Variants in PARD3B observed in about 807,000 individuals in gnomAD.
PARD3B encodes par-3 family cell polarity regulator beta, also known as partitioning defective 3 homolog B.
In PARD3B, 103 loss-of-function variants were observed where a neutral mutation model predicts 130.2. The observed-to-expected ratio is 0.79, with a 90% CI of 0.67 to 0.93. PARD3B has a LOEUF of 0.93. Among genes scored for constraint, PARD3B ranks in the 40% least tolerant of loss-of-function variants. The pLI is 0.00. For synonymous variants in PARD3B, 583 were observed against 553.2 expected (o/e 1.05, Z -0.76); for missense variants, 1,609 against 1,499.2 (o/e 1.07, Z -1.21).
intron 11 of PARD3B, among the ~76,000 whole-genome samples, chr2:205,170,668 G>A (rs956750006): frequency 2.0e-5 from 3 of 152,214 alleles, no homozygotes; most frequent in East Asian, 1.9e-4. Context: ...GGACTTCCTC[G>A]GGCCATCTGC....
intron 2 of PARD3B, among the ~76,000 whole-genome samples, chr2:204,758,989 C>T (rs372157481): frequency 6.6e-5 from 10 of 152,218 alleles, no homozygotes; most frequent in African/African-American, 2.2e-4. Flanking sequence ...AGACTTGTCA[C>T]CCTTCTGTGT....
chr2:204,881,356 A>T (rs1395832647), intron 2 of PARD3B, among the ~76,000 whole-genome samples: 6 of 152,202 alleles, frequency 3.9e-5, no homozygotes, highest in Admixed American at 3.9e-4. Context: ...CAAAGTCAAG[A>T]TCTACACGTT....
chr2:205,469,937 G>C (rs926829637), intron 20 of PARD3B, among the ~76,000 whole-genome samples: 1 of 152,204 alleles, frequency 6.6e-6, no homozygotes, highest in Non-Finnish European at 1.5e-5. Context: ...TCAGTACCTT[G>C]AATATAATTT....
chr2:204,816,581 C>T (rs2043154436), intron 2 of PARD3B, among the ~76,000 whole-genome samples: 2 of 151,892 alleles, frequency 1.3e-5, no homozygotes, highest in African/African-American at 2.4e-5. Context: ...TATTTTCTCA[C>T]TTGTGCTATT....
rs188051327 is a variant in PARD3B at position 204,629,161 on chromosome 2, G to C, written c.121-57020G>C. On this transcript the variant is annotated intron_variant, in intron 1 of 22. Coordinates refer to ENST00000406610, the MANE Select transcript of PARD3B (RefSeq NM_001302769.2). ...AAAAGAGATGATCAAATTTATAGCTGCTCAAGGAGAAGCAAGAAGAAAAGA... is the reference window on the plus strand; with the variant it reads ...AAAAGAGATGATCAAATTTATAGCTCCTCAAGGAGAAGCAAGAAGAAAAGA... Among the ~76,000 whole-genome samples the C allele has an allele frequency of 2.0e-5, 3 of 152,248 alleles. No individual in the cohort carries two copies. The East Asian group carries it at 5.8e-4, about 29-fold the overall frequency.
Position 205,440,029 on chromosome 2 carries a change from C to T in PARD3B, c.2742-341C>T, listed in dbSNP as rs533991103. ...GTCCCAAGAAAGGCTTCTATAATAT[C>T]GAACCAAAGATGCACTGTTCCCACA... On this transcript the variant is annotated intron_variant, in intron 19 of 22. Transcript: ENST00000406610. This position sits in a 1 kb window ranked among gnomAD's most constrained non-coding sequence, Gnocchi z 4.2. Among the ~76,000 whole-genome samples, 29 of 152,210 alleles carry T rather than the reference C, an allele frequency of 1.9e-4. No homozygotes were observed. The highest frequency in any genetic ancestry group is 6.3e-4 in the African/African-American group (26 of 41,544).
chr2:205,125,710 A>T lies in PARD3B; in HGVS notation c.1407A>T (p.Gln469His). Residue 469 changes from glutamine (Q) to histidine (H), a missense_variant, in exon 10 of 23, where the codon CAA becomes CAT. By Grantham distance (24) the Gln-to-His change is conservative. Coordinates refer to ENST00000406610, the MANE Select transcript of PARD3B (RefSeq NM_001302769.2). The surrounding 1 kb of genome is among the most constrained non-coding windows in gnomAD (Gnocchi z 4.0). ...GETASLVIAR[Q>H]EGHFLPRELK... Reference sequence around the variant, plus strand: ...CAGCATCGCTGGTCATTGCCCGCCAAGAAGGACATTTTCTGCCCCGAGAGT... The same window carrying T: ...CAGCATCGCTGGTCATTGCCCGCCATGAAGGACATTTTCTGCCCCGAGAGT... The T allele has an allele frequency of 1.9e-6, 3 of 1,614,220 alleles. No individual in the cohort carries two copies. The highest frequency in any genetic ancestry group is 2.5e-6 in the Non-Finnish European group (3 of 1,180,042).
intron 2 of PARD3B, among the ~76,000 whole-genome samples, chr2:204,929,615 A>C (rs953866269): frequency 6.6e-6 from 1 of 152,044 alleles, no homozygotes; most frequent in Non-Finnish European, 1.5e-5. Flanking sequence ...ATAAATGTAA[A>C]TTGAATAATT....
intron 21 of PARD3B, among the ~76,000 whole-genome samples, chr2:205,520,971 ATTAG>A (rs1049400993): frequency 4.0e-5 from 6 of 151,488 alleles, no homozygotes; most frequent in Non-Finnish European, 1.5e-5. Flanking sequence ...CATTTGTATT[ATTAG>A]TTCTTTATCA....
intron 1 of PARD3B, among the ~76,000 whole-genome samples, chr2:204,684,832 A>G (rs566281200): frequency 2.0e-5 from 3 of 152,310 alleles, no homozygotes; most frequent in Admixed American, 6.5e-5. Flanking sequence ...TTAGAAGTAA[A>G]CAAAACTCCT....
In PARD3B at chr2:205,352,596, C is replaced by T. The variant is rs966230385; in HGVS notation, c.2631-48417C>T. 5.3e-5 allele frequency among the ~76,000 whole-genome samples: 8 copies of T among 152,116 alleles called. No homozygotes were observed. The highest frequency in any genetic ancestry group is 1.4e-4 in the African/African-American group (6 of 41,400). Reference sequence around the variant, plus strand: ...AATATTTCACGAGAAATAGAAGGCACGAAATAACCATTTTGGAGCAGATAC... The same window carrying T: ...AATATTTCACGAGAAATAGAAGGCATGAAATAACCATTTTGGAGCAGATAC... On this transcript the variant is annotated intron_variant, in intron 18 of 22. Coordinates refer to ENST00000406610, the MANE Select transcript of PARD3B (RefSeq NM_001302769.2). This position sits in a 1 kb window ranked among gnomAD's most constrained non-coding sequence, Gnocchi z 5.2.
chr2:204,560,834 G>A (rs993760062), intron 1 of PARD3B, among the ~76,000 whole-genome samples: 45 of 152,042 alleles, frequency 3.0e-4, no homozygotes, highest in African/African-American at 1.0e-3. Context: ...GGAGGTGGAG[G>A]AACTGGCTCA....
rs182183178 is a variant in PARD3B, at chr2:205,226,236, T to C, written c.2141-19542T>C. Among the ~76,000 whole-genome samples, 995 of 151,480 alleles carry C rather than the reference T, an allele frequency of 6.6e-3. 4 individuals are homozygous for C. Among genetic ancestry groups the C allele is most frequent in the Non-Finnish European group, 0.01 (703 of 67,832 alleles). On this transcript the variant is annotated intron_variant, in intron 15 of 22. Coordinates refer to ENST00000406610, the MANE Select transcript of PARD3B (RefSeq NM_001302769.2). ...TTTTGTGTTTTTAGTAGAGACGAGG[T>C]TTCATCGTGTTAGCCAGGATGGTCT...
chr2:205,065,596 G>C (rs1575685752), intron 4 of PARD3B, among the ~76,000 whole-genome samples: 2 of 152,104 alleles, frequency 1.3e-5, no homozygotes, highest in Non-Finnish European at 2.9e-5. Flanking sequence ...TGAATCATGG[G>C]GGTGGATTCC....
chr2:204,569,019 C>A (rs1028364923), intron 1 of PARD3B, among the ~76,000 whole-genome samples: 1 of 151,546 alleles, frequency 6.6e-6, no homozygotes, highest in African/African-American at 2.4e-5. Flanking sequence ...CCAAATATAT[C>A]ATTGCTTTAA....
intron 19 of PARD3B, among the ~76,000 whole-genome samples, chr2:205,406,407 G>A (rs933810755): frequency 5.3e-5 from 8 of 152,120 alleles, no homozygotes; most frequent in African/African-American, 1.9e-4. Context: ...GAGGCAGTGA[G>A]TTTGTTGACA....
chr2:204,567,936 C>A (rs914244787), intron 1 of PARD3B, among the ~76,000 whole-genome samples: 8 of 152,054 alleles, frequency 5.3e-5, no homozygotes, highest in African/African-American at 1.9e-4. Flanking sequence ...AGGCAACAAT[C>A]CATCTTTAAA....
At chr2:204,919,555 C>T (rs1433464438) in intron 2 of PARD3B, among the ~76,000 whole-genome samples, 6 of 152,058 alleles carry the variant, frequency 3.9e-5, no homozygotes, top group African/African-American at 2.4e-5. Flanking sequence ...TGAGATTCAC[C>T]GTTTAGTATA....
At chr2:205,426,108 G>A (rs1317141249) in intron 19 of PARD3B, among the ~76,000 whole-genome samples, 2 of 152,076 alleles carry the variant, frequency 1.3e-5, no homozygotes, top group African/African-American at 2.4e-5. Context: ...GAAGGAGATC[G>A]TTTAGAAAAT....
Sources: allele counts gnomAD v4.1 joint callset (sites outside exome capture counted in the v4.1 genomes callset), GRCh38; gene constraint gnomAD v4.1.1; non-coding constraint Gnocchi (gnomAD v3.1); transcripts MANE v1.5; gene names NCBI Gene and HGNC (gene_info 2026-07-23, HGNC 2026-07-21).